Variants in CHL1 observed in about 807,000 individuals in gnomAD.
CHL1 encodes the protein cell adhesion molecule L1 like.
In CHL1, 96 loss-of-function variants were observed where a neutral mutation model predicts 141.9. The observed-to-expected ratio is 0.68, with a 90% CI of 0.57 to 0.80. CHL1 has a LOEUF of 0.80. Ranked by LOEUF, CHL1 falls within the 30% of genes least tolerant of loss-of-function variation. CHL1 has a pLI of 0.00. For missense variants in CHL1, 1,820 were observed against 1,457.2 expected (o/e 1.25, Z -4.05); for synonymous variants, 613 against 502.2 (o/e 1.22, Z -2.95).
intron 3 of CHL1, 87 bp from the exon 4 acceptor site, chr3:325,872 C>T: frequency 1.3e-6 from 1 of 789,632 alleles, no homozygotes; most frequent in Non-Finnish European, 2.1e-6. Context: ...TATCAGTATA[C>T]AAAAGAGGTT....
chr3:200,778 C>T (rs1698850884), intron 1 of CHL1, among the ~76,000 whole-genome samples: 2 of 152,182 alleles, frequency 1.3e-5, no homozygotes, highest in Admixed American at 6.5e-5. Context: ...ACATGCCTTT[C>T]CTCTCACCCC....
chr3:389,511 A>G (rs775860885), intron 20 of CHL1, 37 bp downstream of exon 20: 2 of 1,485,418 alleles, frequency 1.3e-6, no homozygotes, highest in Non-Finnish European at 1.9e-6. Context: ...GCACGTCAGT[A>G]ACTGTTGCTT....
intron 1 of CHL1, among the ~76,000 whole-genome samples, chr3:222,342 G>T: frequency 6.6e-6 from 1 of 152,066 alleles, no homozygotes; most frequent in East Asian, 1.9e-4. Flanking sequence ...AGGGGAAGCT[G>T]CCCTCTTGCC....
At chr3:358,699 A>G (rs933944927) in intron 11 of CHL1, among the ~76,000 whole-genome samples, 31 of 152,062 alleles carry the variant, frequency 2.0e-4, no homozygotes, top group Non-Finnish European at 4.0e-4. Context: ...GAGAGCTCAC[A>G]GTCAAGTGAA....
At chr3:226,369 A>G (rs1460199203) in intron 1 of CHL1, among the ~76,000 whole-genome samples, 1 of 55,536 alleles carries the variant, frequency 1.8e-5, no homozygotes, top group Non-Finnish European at 4.6e-5. Context: ...ATATAATAGA[A>G]TATTTTATAT....
At position 389,363 on chromosome 3, in the gene CHL1, C is replaced by T. The variant is rs373637287; in HGVS notation, c.2359C>T (p.Arg787Trp). The T allele has an allele frequency of 4.7e-5, 76 of 1,614,022 alleles. No homozygotes were observed. The highest frequency in any genetic ancestry group is 1.3e-4 in the Admixed American group (8 of 59,998). The change falls in exon 20 of 28, where the codon CGG (arginine) becomes TGG (tryptophan). Residue 787 changes from arginine (R) to tryptophan (W), a missense_variant. Coordinates refer to ENST00000256509, the MANE Select transcript of CHL1 (RefSeq NM_006614.4). ...EEETVTNHTL[R>W]VMTPAVYAPY... ...AGAAACAGTCACAAACCACACATTG[C>T]GGGTGATGACGCCTGCTGTCTATGC...
chr3:354,882 A>G, intron 11 of CHL1, 111 bp downstream of exon 11: 2 of 1,286,366 alleles, frequency 1.6e-6, no homozygotes, highest in South Asian at 1.5e-5. Flanking sequence ...TTAGCAGGAC[A>G]GATACAACCA....
intron 5 of CHL1, among the ~76,000 whole-genome samples, chr3:334,806 T>C (rs1468159564): frequency 6.6e-6 from 1 of 152,222 alleles, no homozygotes; most frequent in Non-Finnish European, 1.5e-5. Context: ...TATGTATTAA[T>C]TAGGATCCTT....
At chr3:360,476 T>G in intron 12 of CHL1, 52 bp downstream of exon 12, 1 of 1,587,794 alleles carries the variant, frequency 6.3e-7, no homozygotes, top group Non-Finnish European at 8.6e-7. Context: ...AGGAAAGTGG[T>G]CAAGGTCATG....
chr3:246,158 T>C (rs1225425526), intron 2 of CHL1, among the ~76,000 whole-genome samples: 2 of 152,126 alleles, frequency 1.3e-5, no homozygotes, highest in Admixed American at 6.6e-5. Context: ...GTAAATCTTC[T>C]GAGATAGTAA....
At chr3:368,045 C>T (rs746314817) in intron 15 of CHL1, among the ~76,000 whole-genome samples, 4 of 152,098 alleles carry the variant, frequency 2.6e-5, no homozygotes, top group African/African-American at 7.2e-5. Context: ...GTAAATAGTG[C>T]TGCAATAAAC....
chr3:349,903 G>A (rs13078884), intron 10 of CHL1, among the ~76,000 whole-genome samples: 38,168 of 152,084 alleles, frequency 0.25, 5,391 homozygotes, highest in East Asian at 0.41. Flanking sequence ...ATGATGAAAG[G>A]AAGTATTAAA....
intron 10 of CHL1, among the ~76,000 whole-genome samples, chr3:352,429 C>T (rs886105415): frequency 2.0e-5 from 3 of 152,098 alleles, no homozygotes; most frequent in Non-Finnish European, 4.4e-5. Context: ...AATGTTCAGA[C>T]ATTTGCATCT....
chr3:255,519 A>C (rs1478768083), intron 2 of CHL1, among the ~76,000 whole-genome samples: 1 of 152,048 alleles, frequency 6.6e-6, no homozygotes, highest in Non-Finnish European at 1.5e-5. Flanking sequence ...GTGTGTATAC[A>C]TACATACACA....
intron 2 of CHL1, among the ~76,000 whole-genome samples, chr3:261,884 A>G (rs1012643168): frequency 6.6e-6 from 1 of 152,068 alleles, no homozygotes; most frequent in Non-Finnish European, 1.5e-5. Flanking sequence ...CCTTTAGTCA[A>G]TAATCGAGTT....
intron 8 of CHL1, among the ~76,000 whole-genome samples, chr3:344,199 C>T (rs949921368): frequency 1.3e-5 from 2 of 151,984 alleles, no homozygotes; most frequent in Non-Finnish European, 2.9e-5. Flanking sequence ...GCAGAAACCT[C>T]GTTAAATTCT....
chr3:279,345 A>G (rs577245435), intron 2 of CHL1, among the ~76,000 whole-genome samples: 1 of 152,216 alleles, frequency 6.6e-6, no homozygotes, highest in South Asian at 2.1e-4. Flanking sequence ...TTCTTAAAAT[A>G]TTTATTTTAA....
chr3:247,737 G>A (rs1263605648), intron 2 of CHL1: 1 of 151,988 alleles, frequency 6.6e-6, no homozygotes, highest in Non-Finnish European at 1.5e-5. Context: ...ATAGCCAAGT[G>A]GGACCCTGGT....
Position 220,499 on chromosome 3 carries a change from C to T in CHL1, c.-175+23436C>T, listed in dbSNP as rs552491003. Among the ~76,000 whole-genome samples, 22 of 151,944 alleles carry T rather than the reference C, an allele frequency of 1.4e-4. No individual in the cohort carries two copies. In the East Asian group the frequency reaches 3.1e-3, roughly 21 times the overall value. ...CACACATAAAATACACTAACACTAA[C>T]GATAGCTGATGAGTTGTTTTTTTTT... On this transcript the variant is annotated intron_variant, in intron 1 of 27. Coordinates refer to ENST00000256509, the MANE Select transcript of CHL1 (RefSeq NM_006614.4).
Sources: allele counts gnomAD v4.1 joint callset (sites outside exome capture counted in the v4.1 genomes callset), GRCh38; gene constraint gnomAD v4.1.1; transcripts MANE v1.5; gene names NCBI Gene and HGNC (gene_info 2026-07-23, HGNC 2026-07-21).